RSPH14: variants seen among roughly 807,000 people sequenced by gnomAD.
RSPH14 encodes rhabdoid tumor deletion region gene 1.
In RSPH14, 20 loss-of-function variants were observed where a neutral mutation model predicts 26.7. The ratio of observed to expected loss-of-function variants is 0.75; its 90% CI spans 0.53 to 1.09. The LOEUF is 1.09. Ranked by LOEUF, RSPH14 falls within the 50% of genes least tolerant of loss-of-function variation. The probability of loss-of-function intolerance (pLI) is 0.00; values close to 1 mark genes in which losing one functional copy is unlikely to be tolerated. For synonymous variants in RSPH14, 177 were observed against 189.3 expected (o/e 0.93, Z 0.53); for missense variants, 449 against 457.2 (o/e 0.98, Z 0.16).
intron 4 of RSPH14, among the ~76,000 whole-genome samples, chr22:23,121,599 G>T (rs1203236207): frequency 6.6e-6 from 1 of 152,202 alleles, no homozygotes; most frequent in Admixed American, 6.5e-5. Flanking sequence ...GTGGTTACCA[G>T]CGTCATTGTC....
At chr22:23,114,516 A>AC (rs1569183648) in intron 4 of RSPH14, among the ~76,000 whole-genome samples, 1 of 150,672 alleles carries the variant, frequency 6.6e-6, no homozygotes, top group Non-Finnish European at 1.5e-5. Context: ...CTCTTGTATT[A>AC]CCCCTCGCCC....
chr22:23,123,056 C>G, intron 4 of RSPH14: 1 of 1,465,744 alleles, frequency 6.8e-7, no homozygotes, highest in Non-Finnish European at 9.5e-7. Flanking sequence ...TGCTGCGGGC[C>G]TGATTAACGC....
chr22:23,146,799 G>A, upstream of RSPH14: 1 of 1,447,130 alleles, frequency 6.9e-7, no homozygotes, highest in Non-Finnish European at 9.1e-7. Flanking sequence ...TCTGTCCATT[G>A]TCAGATTTAC....
chr22:23,091,619 C>T (rs2068981640), intron 4 of RSPH14, among the ~76,000 whole-genome samples: 1 of 148,826 alleles, frequency 6.7e-6, no homozygotes, highest in Admixed American at 6.7e-5. Flanking sequence ...CACGCATATG[C>T]ACCGCAATGG....
At chr22:23,180,168 C>T in the RSPH14 span, 1 of 235,262 alleles carries the variant, frequency 4.3e-6, no homozygotes, top group African/African-American at 2.3e-5. Flanking sequence ...GCTGGACTGG[C>T]CGGAGAAGTC....
At chr22:23,061,737 G>T (rs1198650414) in intron 6 of RSPH14, 72 bp downstream of exon 6, 2 of 1,567,656 alleles carry the variant, frequency 1.3e-6, no homozygotes, top group Non-Finnish European at 1.7e-6. Context: ...CCCAGCCCCT[G>T]AGTACAGAAA....
the RSPH14 span, chr22:23,156,255 G>A: frequency 4.1e-6 from 2 of 490,648 alleles, no homozygotes; most frequent in Non-Finnish European, 7.5e-6. Context: ...GTGGTAGTGG[G>A]TGCTGGCTTT....
chr22:23,155,844 G>A, the RSPH14 span: 1 of 809,644 alleles, frequency 1.2e-6, no homozygotes, highest in African/African-American at 1.8e-5. Flanking sequence ...GGCACTTCCT[G>A]AAGCCCATGC....
At chr22:23,106,714 G>A (rs545754426) in intron 4 of RSPH14, among the ~76,000 whole-genome samples, 1 of 152,224 alleles carries the variant, frequency 6.6e-6, no homozygotes, top group African/African-American at 2.4e-5. Flanking sequence ...AGAGCCTGGC[G>A]CAGGGCATGC....
the RSPH14 span, among the ~76,000 whole-genome samples, chr22:23,173,013 CT>C: frequency 1 from 152,334 of 152,334 alleles, 76,167 homozygotes; most frequent in Non-Finnish European, 1. Context: ...AGAATAGTGT[CT>C]TTTCATATGG....
At position 23,059,733 on chromosome 22, in the gene RSPH14, C is replaced by A. The variant is rs1052824395; in HGVS notation, c.791-15G>T. On this transcript the variant is annotated splice_polypyrimidine_tract_variant and intron_variant, in intron 6 of 6. Transcript: ENST00000216036. ...CGCATACTTCCCTGCAGGCCACCAA[C>A]ACAAGGCGTTCCAAACAGCCCAAGG... The A allele has an allele frequency of 2.0e-6, 3 of 1,508,836 alleles. No homozygotes were observed. In the African/African-American group the frequency reaches 4.2e-5, roughly 21 times the overall value. 93.5% of individuals were successfully genotyped at this position (1,508,836 alleles called of 1,614,324 possible).
the RSPH14 span, chr22:23,161,124 C>A: frequency 8.1e-7 from 1 of 1,229,924 alleles, no homozygotes; most frequent in Non-Finnish European, 1.1e-6. Context: ...TCCTTTGACC[C>A]TCCTCTCAGG....
the RSPH14 span, among the ~76,000 whole-genome samples, chr22:23,176,560 C>T: frequency 1.7e-3 from 256 of 152,268 alleles, 2 homozygotes; most frequent in African/African-American, 5.8e-3. Context: ...CCTTTGACTC[C>T]GCCAGACTTT....
chr22:23,076,087 C>T (rs2068498874), intron 4 of RSPH14, among the ~76,000 whole-genome samples: 1 of 152,226 alleles, frequency 6.6e-6, no homozygotes, highest in Non-Finnish European at 1.5e-5. Context: ...GTGCTGGAGG[C>T]TGGCATGGCA....
intron 4 of RSPH14, among the ~76,000 whole-genome samples, chr22:23,086,084 G>A (rs1409131441): frequency 1.3e-5 from 2 of 152,364 alleles, no homozygotes; most frequent in East Asian, 1.9e-4. Context: ...TGTCTACGGC[G>A]GGTGACCCTG....
At chr22:23,149,415 C>T (rs574793196), upstream of RSPH14, among the ~76,000 whole-genome samples, 152 of 152,294 alleles carry the variant, frequency 1.0e-3, no homozygotes, top group African/African-American at 3.5e-3. Flanking sequence ...GACCCTGAGG[C>T]CCATGCTCTT....
chr22:23,128,643 CTT>C (rs1156462930), intron 4 of RSPH14, among the ~76,000 whole-genome samples: 2 of 152,190 alleles, frequency 1.3e-5, no homozygotes, highest in East Asian at 1.9e-4. Context: ...GCAAGTCAGA[CTT>C]GGCCAGAGCA....
At chr22:23,133,922 A>T in intron 4 of RSPH14, 104 bp downstream of exon 4, 1 of 769,764 alleles carries the variant, frequency 1.3e-6, no homozygotes, top group Non-Finnish European at 2.3e-6. Context: ...GTTGTAATTT[A>T]ATAAAAAGTG....
At chr22:23,070,389 G>C (rs1206334881) in intron 4 of RSPH14, 1 of 136,604 alleles carries the variant, frequency 7.3e-6, no homozygotes, top group Admixed American at 7.3e-5. Context: ...GCGCGGGAGG[G>C]CGGGCGGAGG....
Sources: gnomAD v4.1 joint callset for allele counts (sites outside exome capture counted in the v4.1 genomes callset) on GRCh38, gnomAD v4.1.1 for gene constraint, MANE v1.5 for transcripts, NCBI Gene and HGNC (gene_info 2026-07-23, HGNC 2026-07-21) for gene names.